SGMS2: variants seen among roughly 807,000 people sequenced by gnomAD.
SGMS2 encodes phosphatidylcholine:ceramide cholinephosphotransferase 2.
SGMS2 carries 21 observed loss-of-function variants against 43.8 expected under a neutral mutation model. That is an observed-to-expected ratio of 0.48 (90% CI 0.34 to 0.69). The LOEUF (loss-of-function observed/expected upper bound fraction) is 0.69. Ranked by LOEUF, SGMS2 falls within the 30% of genes least tolerant of loss-of-function variation. The pLI is 0.01. For missense variants in SGMS2, 384 were observed against 443.2 expected (o/e 0.87, Z 1.20); for synonymous variants, 167 against 160.6 (o/e 1.04, Z -0.30).
intron 1 of SGMS2, among the ~76,000 whole-genome samples, chr4:107,842,368 A>G (rs367959180): frequency 2.6e-5 from 4 of 152,164 alleles, no homozygotes; most frequent in African/African-American, 4.8e-5. Context: ...GAGCGGGAGC[A>G]AGAGAGAGAG....
intron 2 of SGMS2, among the ~76,000 whole-genome samples, chr4:107,877,527 G>A (rs1233120610): frequency 1.3e-5 from 2 of 152,130 alleles, no homozygotes; most frequent in African/African-American, 2.4e-5. Flanking sequence ...AAGCCCCCAG[G>A]GTGTTTGGCC....
intron 2 of SGMS2, among the ~76,000 whole-genome samples, chr4:107,878,284 C>T (rs181712051): frequency 8.4e-4 from 128 of 152,210 alleles, no homozygotes; most frequent in African/African-American, 2.8e-3. Flanking sequence ...TGGGGAGTCC[C>T]GTCTTCCCTA....
At chr4:107,908,815 A>G (rs1731835463) in intron 6 of SGMS2, 84 bp downstream of exon 6, 3 of 1,239,136 alleles carry the variant, frequency 2.4e-6, no homozygotes, top group Non-Finnish European at 3.4e-6. Context: ...TAGATAGCCT[A>G]ATGGGGATAA....
At chr4:107,851,507 T>G (rs1211593562) in intron 1 of SGMS2, among the ~76,000 whole-genome samples, 1 of 152,206 alleles carries the variant, frequency 6.6e-6, no homozygotes, top group Non-Finnish European at 1.5e-5. Context: ...ATAGTTAACA[T>G]ACACTTAGCT....
chr4:107,859,480 G>T (rs1048144856), intron 2 of SGMS2, among the ~76,000 whole-genome samples: 5 of 152,148 alleles, frequency 3.3e-5, no homozygotes, highest in African/African-American at 1.2e-4. Flanking sequence ...TGCCTACTTT[G>T]AGCTGGCACT....
intron 2 of SGMS2, among the ~76,000 whole-genome samples, chr4:107,888,234 G>T (rs1166472983): frequency 2.0e-5 from 3 of 151,856 alleles, no homozygotes; most frequent in Non-Finnish European, 2.9e-5. Context: ...AACAGGACTT[G>T]GTGTCCTTTT....
chr4:107,831,276 C>T (rs954739027), intron 1 of SGMS2, among the ~76,000 whole-genome samples: 2 of 152,100 alleles, frequency 1.3e-5, no homozygotes, highest in African/African-American at 4.8e-5. Context: ...TATGTGTATG[C>T]TCTCCTGGAA....
intron 2 of SGMS2, among the ~76,000 whole-genome samples, chr4:107,879,890 AT>A (rs1729212932): frequency 6.6e-6 from 1 of 152,192 alleles, no homozygotes; most frequent in Non-Finnish European, 1.5e-5. Flanking sequence ...ATTTTAGAAC[AT>A]TTCTGTAACC....
At chr4:107,860,904 C>T (rs928049494) in intron 2 of SGMS2, among the ~76,000 whole-genome samples, 1 of 152,152 alleles carries the variant, frequency 6.6e-6, no homozygotes, top group Non-Finnish European at 1.5e-5. Context: ...TGCCAATTCT[C>T]ATAGCTTAAA....
intron 1 of SGMS2, among the ~76,000 whole-genome samples, chr4:107,826,540 A>G (rs1171018997): frequency 6.6e-6 from 1 of 150,700 alleles, no homozygotes; most frequent in Non-Finnish European, 1.5e-5. Context: ...AGCTAACTTT[A>G]CCTTTACCTT....
rs150061401 is a variant in SGMS2, at chr4:107,865,299, A to G, written c.-245+6746A>G. ...AAAAAATACACAATCTGGGATTGCT[A>G]ATCTTTTACGAGAGAGGTCTCATCT... On this transcript the variant is annotated intron_variant, in intron 2 of 6. Coordinates refer to ENST00000690982, the MANE Select transcript of SGMS2 (RefSeq NM_001375905.1). 3.1e-3 allele frequency among the ~76,000 whole-genome samples: 468 copies of G among 152,320 alleles called. 1 individual carries two copies. Among genetic ancestry groups the G allele is most frequent in the Non-Finnish European group, 5.5e-3 (372 of 68,022 alleles).
chr4:107,865,946 T>G (rs1206231622), intron 2 of SGMS2, among the ~76,000 whole-genome samples: 1 of 152,198 alleles, frequency 6.6e-6, no homozygotes, highest in Non-Finnish European at 1.5e-5. Flanking sequence ...AAGTATAAGA[T>G]CAACCATAAT....
rs189733946 is a variant in SGMS2, at chr4:107,914,590, A to G, written c.*4037A>G. On this transcript the variant is annotated 3_prime_UTR_variant, in exon 7 of 7. Transcript: ENST00000690982. ...TTGTAAAGTAAAATTTTAAGTCTAG[A>G]TTCATTATTTTCCTGACATATATTT... 2 of 152,116 alleles carry G rather than the reference A, an allele frequency of 1.3e-5. No homozygotes were observed. Among genetic ancestry groups the G allele is most frequent in the South Asian group, 2.1e-4 (1 of 4,816 alleles). 9.4% of individuals were successfully genotyped at this position (152,116 alleles called of 1,614,324 possible).
At chr4:107,902,323 C>T (rs1731193270) in intron 4 of SGMS2, among the ~76,000 whole-genome samples, 1 of 143,204 alleles carries the variant, frequency 7.0e-6, no homozygotes. Context: ...ATTTCTCTTC[C>T]ATGTATTCTA....
intron 1 of SGMS2, among the ~76,000 whole-genome samples, chr4:107,844,699 C>T (rs977714178): frequency 5.3e-5 from 8 of 152,058 alleles, no homozygotes; most frequent in African/African-American, 7.2e-5. Flanking sequence ...GAACAAGATC[C>T]TGTCTCCAAA....
chr4:107,873,686 G>A (rs1728707671), intron 2 of SGMS2, among the ~76,000 whole-genome samples: 1 of 151,970 alleles, frequency 6.6e-6, no homozygotes, highest in Non-Finnish European at 1.5e-5. Context: ...AGTTTTAATT[G>A]TGGTTCTGTA....
intron 3 of SGMS2, among the ~76,000 whole-genome samples, chr4:107,897,689 G>A (rs184870628): frequency 4.5e-4 from 68 of 152,202 alleles, no homozygotes; most frequent in African/African-American, 1.6e-3. Flanking sequence ...CGGTCACATA[G>A]CCAGACCATA....
intron 1 of SGMS2, among the ~76,000 whole-genome samples, chr4:107,832,853 C>A (rs1321709796): frequency 6.6e-6 from 1 of 151,980 alleles, no homozygotes; most frequent in African/African-American, 2.4e-5. Context: ...CATGATGCAA[C>A]CCCTCCTCTA....
intron 1 of SGMS2, among the ~76,000 whole-genome samples, chr4:107,856,394 G>C (rs368475337): frequency 2.6e-5 from 4 of 152,054 alleles, no homozygotes; most frequent in African/African-American, 9.7e-5. Context: ...TTTTGACAAG[G>C]GCACACATTT....
Sources: allele counts gnomAD v4.1 joint callset (sites outside exome capture counted in the v4.1 genomes callset), GRCh38; gene constraint gnomAD v4.1.1; transcripts MANE v1.5; gene names NCBI Gene and HGNC (gene_info 2026-07-23, HGNC 2026-07-21).